Variants in DYNC1I1 observed in about 807,000 individuals in gnomAD.
DYNC1I1 encodes the protein cytoplasmic dynein 1 intermediate chain 1.
In DYNC1I1, 43 loss-of-function variants were observed where a neutral mutation model predicts 86.6. That is an observed-to-expected ratio of 0.50 (90% CI 0.39 to 0.64). DYNC1I1 has a LOEUF of 0.64. Among genes scored for constraint, DYNC1I1 ranks in the 30% least tolerant of loss-of-function variants. The pLI is 0.00. For synonymous variants in DYNC1I1, 262 were observed against 283.7 expected, an observed-to-expected ratio of 0.92 and a Z score of 0.77; for missense variants, 604 against 788.8, an observed-to-expected ratio of 0.77 and a Z score of 2.81.
At chr7:96,024,411 A>G (rs1423076800) in intron 10 of DYNC1I1, among the ~76,000 whole-genome samples, 3 of 152,158 alleles carry the variant, frequency 2.0e-5, no homozygotes, top group Non-Finnish European at 1.5e-5. Flanking sequence ...TTGAATTTTT[A>G]AAGGCCATAC....
At chr7:95,897,382 C>T (rs1184626824) in intron 6 of DYNC1I1, among the ~76,000 whole-genome samples, 2 of 152,030 alleles carry the variant, frequency 1.3e-5, no homozygotes, top group Admixed American at 6.6e-5. Context: ...TAGAAAGTCA[C>T]CTCTCTCCCT....
At chr7:96,069,658 C>G (rs1476488807) in intron 14 of DYNC1I1, among the ~76,000 whole-genome samples, 2 of 152,162 alleles carry the variant, frequency 1.3e-5, no homozygotes, top group African/African-American at 4.8e-5. Flanking sequence ...TTAAGCAAAG[C>G]TTGTAGCTTT....
At chr7:95,956,539 C>T (rs1254421782) in intron 6 of DYNC1I1, among the ~76,000 whole-genome samples, 2 of 152,024 alleles carry the variant, frequency 1.3e-5, no homozygotes, top group African/African-American at 2.4e-5. Flanking sequence ...CTCTTGCCCC[C>T]CACCCCCGAC....
At chr7:95,947,163 T>C (rs1046726525) in intron 6 of DYNC1I1, among the ~76,000 whole-genome samples, 19 of 152,186 alleles carry the variant, frequency 1.2e-4, no homozygotes, top group African/African-American at 4.6e-4. Flanking sequence ...GAAGGACAGT[T>C]TGTGAAGATT....
intron 5 of DYNC1I1, among the ~76,000 whole-genome samples, chr7:95,858,444 G>T (rs1206608775): frequency 1.3e-5 from 2 of 152,038 alleles, no homozygotes; most frequent in African/African-American, 4.8e-5. Flanking sequence ...TAAGTAGAAA[G>T]AGTACACTCT....
intron 5 of DYNC1I1, among the ~76,000 whole-genome samples, chr7:95,866,891 A>T (rs1309393771): frequency 6.6e-6 from 1 of 152,236 alleles, no homozygotes; most frequent in Admixed American, 6.5e-5. Context: ...TTTTATTTTG[A>T]TGTCTTAGGT....
chr7:95,782,361 C>T (rs559322038), intron 1 of DYNC1I1, among the ~76,000 whole-genome samples: 4 of 152,212 alleles, frequency 2.6e-5, no homozygotes, highest in Non-Finnish European at 1.5e-5. Context: ...CCTAGGGACA[C>T]TGACTGATAT....
chr7:95,994,594 G>T lies in DYNC1I1; in HGVS notation c.844-1354G>T, dbSNP rs556122044. Among the ~76,000 whole-genome samples the T allele has an allele frequency of 7.9e-5, 12 of 152,250 alleles. No homozygotes were observed. In the South Asian group the frequency reaches 2.5e-3, roughly 32 times the overall value. ...CTAGTCCAGTGAGGCTGGGTCATAG[G>T]CTGTGGGAGGTGGGGAGAAAGAGGG... is the stretch of plus-strand genomic sequence containing the variant. On this transcript the variant is annotated intron_variant, in intron 9 of 16. Transcript: ENST00000447467.
intron 6 of DYNC1I1, among the ~76,000 whole-genome samples, chr7:95,896,391 C>A (rs181202288): frequency 6.6e-6 from 1 of 152,166 alleles, no homozygotes; most frequent in Non-Finnish European, 1.5e-5. Flanking sequence ...ACTAATAATG[C>A]GTGCTTATAT....
chr7:95,878,965 C>G (rs1385161568), intron 6 of DYNC1I1, among the ~76,000 whole-genome samples: 1 of 113,446 alleles, frequency 8.8e-6, no homozygotes. Context: ...AAAAAAAAAA[C>G]AACTATCAAT....
intron 6 of DYNC1I1, among the ~76,000 whole-genome samples, chr7:95,918,105 C>T (rs982712905): frequency 6.6e-6 from 1 of 152,168 alleles, no homozygotes; most frequent in East Asian, 1.9e-4. Flanking sequence ...GCTGGGTGGC[C>T]TTCAGGAGGT....
chr7:96,012,476 G>A (rs1794299199), intron 10 of DYNC1I1, among the ~76,000 whole-genome samples: 2 of 152,164 alleles, frequency 1.3e-5, no homozygotes, highest in Non-Finnish European at 2.9e-5. Flanking sequence ...CAATATGGGA[G>A]TAAACAATTC....
In DYNC1I1 at chr7:96,028,240, G is replaced by A. The variant is rs370643324; in HGVS notation, c.1035G>A (p.Ser345=). Residue 345 remains serine (S), a synonymous_variant, in exon 11 of 17, where the codon TCG becomes TCA. Coordinates refer to ENST00000447467, the MANE Select transcript of DYNC1I1 (RefSeq NM_001135556.2). ...ACTTGGTGGTTGGTGGGACTTACTCGGGCCAGATTGTCCTCTGGGACAATC... is the reference window on the plus strand; with the variant it reads ...ACTTGGTGGTTGGTGGGACTTACTCAGGCCAGATTGTCCTCTGGGACAATC... ...HPNLVVGGTY[S]GQIVLWDNRS... is the part of the protein sequence containing the mutation. 66 of 1,613,754 alleles carry A rather than the reference G, an allele frequency of 4.1e-5. No individual in the cohort carries two copies. Among genetic ancestry groups the A allele is most frequent in the Non-Finnish European group, 5.1e-5 (60 of 1,179,826 alleles).
At chr7:95,994,776 TAAAG>T (rs1397020972) in intron 9 of DYNC1I1, among the ~76,000 whole-genome samples, 1 of 152,180 alleles carries the variant, frequency 6.6e-6, no homozygotes, top group East Asian at 1.9e-4. Flanking sequence ...GTCTTCCTGA[TAAAG>T]GATGGAGAAT....
chr7:95,864,925 C>T (rs916145121), intron 5 of DYNC1I1, among the ~76,000 whole-genome samples: 19 of 151,884 alleles, frequency 1.3e-4, no homozygotes, highest in African/African-American at 4.6e-4. Context: ...ATTTTTAAGC[C>T]AGTGATACTC....
chr7:96,049,204 GC>G (rs570164158), intron 14 of DYNC1I1, among the ~76,000 whole-genome samples: 178 of 145,478 alleles, frequency 1.2e-3, no homozygotes, highest in African/African-American at 4.4e-3. Flanking sequence ...CTTGCAGTGA[GC>G]CAAGAGTGTG....
chr7:95,991,673 C>T (rs146019198), intron 9 of DYNC1I1, among the ~76,000 whole-genome samples: 319 of 152,162 alleles, frequency 2.1e-3, no homozygotes, highest in Middle Eastern at 6.8e-3. Context: ...GGGGTAATCT[C>T]CAAAGAGAGA....
At chr7:95,836,750 T>C (rs1028636335) in intron 5 of DYNC1I1, among the ~76,000 whole-genome samples, 1 of 152,196 alleles carries the variant, frequency 6.6e-6, no homozygotes, top group Non-Finnish European at 1.5e-5. Context: ...TTTCTTCCAG[T>C]TGATTGCATT....
intron 11 of DYNC1I1, among the ~76,000 whole-genome samples, chr7:96,030,165 C>A (rs747138809): frequency 6.6e-6 from 1 of 152,018 alleles, no homozygotes; most frequent in Non-Finnish European, 1.5e-5. Flanking sequence ...CACTAATTTC[C>A]TTTCACACCC....
Sources: gnomAD v4.1 joint callset for allele counts (sites outside exome capture counted in the v4.1 genomes callset) on GRCh38, gnomAD v4.1.1 for gene constraint, MANE v1.5 for transcripts, NCBI Gene and HGNC (gene_info 2026-07-23, HGNC 2026-07-21) for gene names.